Variants in ZBTB16 observed in about 807,000 individuals in gnomAD.
ZBTB16 encodes the protein zinc finger and BTB domain-containing protein 16.
A neutral mutation model predicts 56.8 loss-of-function variants in ZBTB16; 8 were observed. The ratio of observed to expected loss-of-function variants is 0.14; its 90% confidence interval spans 0.08 to 0.25. The LOEUF is 0.25. Among genes scored for constraint, ZBTB16 ranks in the 10% least tolerant of loss-of-function variants. The pLI is 1.00. For missense variants in ZBTB16, 625 were observed against 903.0 expected (o/e 0.69, Z 3.95); for synonymous variants, 363 against 368.5 (o/e 0.98, Z 0.17).
rs563934661 is a variant in ZBTB16 at position 114,159,941 on chromosome 11, G to GGGA, written c.1366+3509_1366+3510insAGG. ...CAGAACCCTGGGCGGGGGAGGCGGG[G>GGGA]GGGAGGCGAGCATTTTTTTTCAAAA... On this transcript the variant is annotated intron_variant, in intron 3 of 6. Transcript: ENST00000335953. 2.7e-5 allele frequency among the ~76,000 whole-genome samples: 4 copies of GGGA among 145,944 alleles called. 1 individual carries two copies. Among genetic ancestry groups the GGGA allele is most frequent in the African/African-American group, 1.0e-4 (4 of 39,678 alleles).
At chr11:114,202,632 A>C (rs1213632160) in intron 4 of ZBTB16, among the ~76,000 whole-genome samples, 1 of 152,256 alleles carries the variant, frequency 6.6e-6, no homozygotes, top group Non-Finnish European at 1.5e-5. Context: ...TGTAGGCTAA[A>C]TAATGTATAT....
At chr11:114,203,247 A>G (rs985320973) in intron 4 of ZBTB16, among the ~76,000 whole-genome samples, 9 of 152,256 alleles carry the variant, frequency 5.9e-5, no homozygotes, top group African/African-American at 2.2e-4. Context: ...GAAAATGTTC[A>G]GAACAGAGAG....
chr11:114,190,971 A>G (rs113135640), intron 4 of ZBTB16, among the ~76,000 whole-genome samples: 6,278 of 152,234 alleles, frequency 0.041, 158 homozygotes, highest in African/African-American at 0.068. Context: ...ATCATGGTGG[A>G]AGGCAAAGGG....
At chr11:114,171,738 C>T (rs191283616) in intron 3 of ZBTB16, among the ~76,000 whole-genome samples, 7 of 152,328 alleles carry the variant, frequency 4.6e-5, no homozygotes, top group Non-Finnish European at 1.0e-4. Flanking sequence ...TCCTACTCTC[C>T]GTCTCCCACT....
intron 2 of ZBTB16, among the ~76,000 whole-genome samples, chr11:114,105,320 A>G (rs1383966956): frequency 6.6e-6 from 1 of 150,916 alleles, no homozygotes; most frequent in Non-Finnish European, 1.5e-5. Context: ...GGCTCACTGC[A>G]ACTTCCACCT....
intron 3 of ZBTB16, among the ~76,000 whole-genome samples, chr11:114,176,922 A>G (rs1323149847): frequency 1.3e-5 from 2 of 152,152 alleles, no homozygotes; most frequent in Non-Finnish European, 1.5e-5. Flanking sequence ...CAGATAGCAT[A>G]ATATCATGTA....
At chr11:114,070,854 T>C (rs1159141880) in intron 2 of ZBTB16, among the ~76,000 whole-genome samples, 1 of 152,228 alleles carries the variant, frequency 6.6e-6, no homozygotes, top group Non-Finnish European at 1.5e-5. Context: ...GTATCCTTTT[T>C]AGGGGTGATG....
At chr11:114,114,211 T>C (rs933381418) in intron 2 of ZBTB16, among the ~76,000 whole-genome samples, 1 of 152,200 alleles carries the variant, frequency 6.6e-6, no homozygotes, top group Non-Finnish European at 1.5e-5. Context: ...TCGGCCACAA[T>C]GTTGGGGAGC....
chr11:114,155,780 A>G (rs1942394249), intron 2 of ZBTB16, among the ~76,000 whole-genome samples: 1 of 152,194 alleles, frequency 6.6e-6, no homozygotes. Context: ...GAACATCTGG[A>G]TGCCAGAGAA....
chr11:114,139,864 G>A (rs1421934988), intron 2 of ZBTB16, among the ~76,000 whole-genome samples: 2 of 152,146 alleles, frequency 1.3e-5, no homozygotes, highest in East Asian at 3.9e-4. Context: ...GGAGCAAGTG[G>A]CTGGCCAGCC....
chr11:114,233,081 G>GCGCGCGCGCACA (rs1250341636), intron 4 of ZBTB16, among the ~76,000 whole-genome samples: 4 of 87,476 alleles, frequency 4.6e-5, no homozygotes, highest in African/African-American at 1.7e-4. Context: ...GCGCGCGCGC[G>GCGCGCGCGCACA]CACACACACA....
chr11:114,256,719 G>A lies in ZBTB16; in HGVS notation c.*6164G>A, dbSNP rs577231009. Among the ~76,000 whole-genome samples the A allele has an allele frequency of 1.1e-4, 16 of 152,286 alleles. No individual in the cohort carries two copies. In the East Asian group the frequency reaches 1.7e-3, roughly 17 times the overall value. ...GGGAGGGGATGGGTGGGAGGTGGCC[G>A]TGCAAGCTCTGCATTGTCATGGACG... On this transcript the variant is annotated 3_prime_UTR_variant, in exon 7 of 7. Coordinates refer to ENST00000335953, the MANE Select transcript of ZBTB16 (RefSeq NM_006006.6).
At chr11:114,068,670 C>A (rs565538502) in intron 2 of ZBTB16, among the ~76,000 whole-genome samples, 2 of 152,298 alleles carry the variant, frequency 1.3e-5, no homozygotes, top group Non-Finnish European at 2.9e-5. Flanking sequence ...AAATCTTCAC[C>A]AGTGCATCCA....
intron 2 of ZBTB16, among the ~76,000 whole-genome samples, chr11:114,089,057 C>T (rs929103540): frequency 6.6e-6 from 1 of 152,230 alleles, no homozygotes; most frequent in Non-Finnish European, 1.5e-5. Flanking sequence ...TCCCTCCTCA[C>T]CCCCACCCAG....
intron 4 of ZBTB16, 30 bp downstream of exon 4, chr11:114,187,068 G>A (rs1424893242): frequency 1.2e-6 from 2 of 1,606,530 alleles, no homozygotes; most frequent in Admixed American, 1.7e-5. Context: ...TGTTCTCCAG[G>A]TTTTCCACAG....
At chr11:114,175,900 G>A (rs1943098776) in intron 3 of ZBTB16, among the ~76,000 whole-genome samples, 1 of 151,998 alleles carries the variant, frequency 6.6e-6, no homozygotes, top group South Asian at 2.1e-4. Context: ...TTGGATCCCG[G>A]CCACCACCCT....
chr11:114,094,921 C>T (rs1163751318), intron 2 of ZBTB16, among the ~76,000 whole-genome samples: 1 of 152,256 alleles, frequency 6.6e-6, no homozygotes, highest in African/African-American at 2.4e-5. Context: ...GCTTATGTGC[C>T]CTGTTAGCCC....
intron 4 of ZBTB16, among the ~76,000 whole-genome samples, chr11:114,230,636 G>GA (rs1555159032): frequency 7.6e-6 from 1 of 131,800 alleles, no homozygotes; most frequent in South Asian, 2.7e-4. Context: ...TTCTGTGGGG[G>GA]GGGGGCGGGA....
chr11:114,167,377 AG>A (rs1327062092), intron 3 of ZBTB16, among the ~76,000 whole-genome samples: 4 of 91,850 alleles, frequency 4.4e-5, no homozygotes, highest in African/African-American at 6.3e-5. Context: ...AACCAGGGCG[AG>A]TTTTTTTGTT....
Sources: allele counts gnomAD v4.1 joint callset (sites outside exome capture counted in the v4.1 genomes callset), GRCh38; gene constraint gnomAD v4.1.1; transcripts MANE v1.5; gene names NCBI Gene and HGNC (gene_info 2026-07-23, HGNC 2026-07-21).